MACROD2: variants seen among roughly 807,000 people sequenced by gnomAD.
MACROD2 encodes ADP-ribose glycohydrolase MACROD2.
MACROD2 carries 36 observed loss-of-function variants against 70.4 expected under a neutral mutation model. The ratio of observed to expected loss-of-function variants is 0.51; its 90% CI spans 0.39 to 0.68. The LOEUF is 0.68. Among genes scored for constraint, MACROD2 ranks in the 30% least tolerant of loss-of-function variants. The pLI, the probability that MACROD2 is intolerant of heterozygous loss-of-function variation, is 0.00. For missense variants in MACROD2, 496 were observed against 538.4 expected, an observed-to-expected ratio of 0.92 and a Z score of 0.78; for synonymous variants, 172 against 178.8, an observed-to-expected ratio of 0.96 and a Z score of 0.30.
intron 8 of MACROD2, among the ~76,000 whole-genome samples, chr20:15,683,618 G>A (rs1288180762): frequency 1.3e-5 from 2 of 151,942 alleles, no homozygotes; most frequent in African/African-American, 4.8e-5. Flanking sequence ...TCACTCTGTC[G>A]CTGAGGCTGG....
chr20:15,027,303 A>G (rs2075239510), intron 5 of MACROD2, among the ~76,000 whole-genome samples: 1 of 152,132 alleles, frequency 6.6e-6, no homozygotes, highest in African/African-American at 2.4e-5. Context: ...TTTCAGTGCT[A>G]ATTTCCATAG....
intron 5 of MACROD2, among the ~76,000 whole-genome samples, chr20:14,707,713 A>C (rs888355834): frequency 1.2e-4 from 19 of 152,166 alleles, no homozygotes; most frequent in Non-Finnish European, 2.6e-4. Flanking sequence ...TATAAATGTG[A>C]TAGGGAAGGC....
chr20:14,302,404 G>A (rs903469110), intron 3 of MACROD2, among the ~76,000 whole-genome samples: 10 of 152,136 alleles, frequency 6.6e-5, no homozygotes, highest in Non-Finnish European at 1.5e-4. Context: ...CATTCAAAGG[G>A]AGGATGTTAT....
chr20:14,411,122 G>T (rs1299811187), intron 3 of MACROD2, among the ~76,000 whole-genome samples: 1 of 152,066 alleles, frequency 6.6e-6, no homozygotes, highest in Non-Finnish European at 1.5e-5. Flanking sequence ...TCTTCCCTGG[G>T]GGAATTGCCA....
chr20:14,524,206 T>C (rs1296489276), intron 4 of MACROD2, among the ~76,000 whole-genome samples: 1 of 152,224 alleles, frequency 6.6e-6, no homozygotes, highest in Admixed American at 6.5e-5. Flanking sequence ...AAATCTTGCA[T>C]TGGAAAATCT....
At chr20:14,579,124 A>G (rs1409903191) in intron 4 of MACROD2, among the ~76,000 whole-genome samples, 1 of 123,616 alleles carries the variant, frequency 8.1e-6, no homozygotes, top group African/African-American at 3.0e-5. Flanking sequence ...ACTGTATCCA[A>G]TTCTTTTTTT....
At chr20:15,416,267 T>C (rs2046147105) in intron 6 of MACROD2, among the ~76,000 whole-genome samples, 2 of 152,126 alleles carry the variant, frequency 1.3e-5, no homozygotes, top group South Asian at 4.1e-4. Flanking sequence ...CTACAATCAA[T>C]TTCTTTCTCC....
At chr20:15,939,749 C>A (rs1445226835) in intron 12 of MACROD2, among the ~76,000 whole-genome samples, 1 of 151,534 alleles carries the variant, frequency 6.6e-6, no homozygotes, top group Admixed American at 6.6e-5. Context: ...TGAAGCTGGG[C>A]AAAATAAACT....
chr20:15,756,887 C>A (rs1280925826), intron 8 of MACROD2, among the ~76,000 whole-genome samples: 2 of 152,158 alleles, frequency 1.3e-5, no homozygotes, highest in Admixed American at 1.3e-4. Flanking sequence ...CATCTCAGAT[C>A]GTTGTTACCA....
intron 3 of MACROD2, among the ~76,000 whole-genome samples, chr20:14,422,625 T>C (rs1205072769): frequency 6.6e-6 from 1 of 152,180 alleles, no homozygotes; most frequent in Admixed American, 6.5e-5. Flanking sequence ...TCTAAATTTA[T>C]GGCAATGTAA....
intron 7 of MACROD2, among the ~76,000 whole-genome samples, chr20:15,488,755 A>G (rs938437864): frequency 2.6e-5 from 4 of 152,204 alleles, no homozygotes; most frequent in Non-Finnish European, 5.9e-5. Flanking sequence ...GATGTCCTCA[A>G]TGAACTCCTT....
intron 7 of MACROD2, among the ~76,000 whole-genome samples, chr20:15,452,477 G>T (rs181210311): frequency 6.6e-6 from 1 of 152,120 alleles, no homozygotes; most frequent in Non-Finnish European, 1.5e-5. Flanking sequence ...TTTTTTAAAA[G>T]ACAAATGCTT....
At chr20:14,112,453 G>A (rs1447451855) in intron 3 of MACROD2, among the ~76,000 whole-genome samples, 1 of 151,800 alleles carries the variant, frequency 6.6e-6, no homozygotes, top group African/African-American at 2.4e-5. Context: ...TTGCATTCCT[G>A]CATTAACATA....
At chr20:15,243,121 A>G (rs1318017421) in intron 6 of MACROD2, among the ~76,000 whole-genome samples, 1 of 152,186 alleles carries the variant, frequency 6.6e-6, no homozygotes, top group Non-Finnish European at 1.5e-5. Context: ...TGGAATAAGT[A>G]GCTCCTCTCA....
chr20:14,613,428 A>G (rs1983291239), intron 4 of MACROD2, among the ~76,000 whole-genome samples: 1 of 152,090 alleles, frequency 6.6e-6, no homozygotes, highest in South Asian at 2.1e-4. Flanking sequence ...GAGCAACAGA[A>G]GGTAACAGGA....
intron 3 of MACROD2, among the ~76,000 whole-genome samples, chr20:14,343,001 C>T (rs2083030373): frequency 6.6e-6 from 1 of 152,018 alleles, no homozygotes; most frequent in South Asian, 2.1e-4. Context: ...CCTCCTTGGC[C>T]TCCCAGGAAA....
chr20:14,422,346 A>C (rs1376708574), intron 3 of MACROD2, among the ~76,000 whole-genome samples: 1 of 152,166 alleles, frequency 6.6e-6, no homozygotes, highest in Non-Finnish European at 1.5e-5. Flanking sequence ...TAGTTGGATC[A>C]TGTTTCATTT....
At chr20:15,116,862 C>A (rs2075995296) in intron 5 of MACROD2, among the ~76,000 whole-genome samples, 1 of 152,256 alleles carries the variant, frequency 6.6e-6, no homozygotes, top group Middle Eastern at 3.4e-3. Flanking sequence ...GGATTGCTGA[C>A]TGTACAGGGT....
chr20:14,515,469 A>ACACACGCGCGCGCG (rs1555798355), intron 4 of MACROD2, among the ~76,000 whole-genome samples: 11 of 143,656 alleles, frequency 7.7e-5, no homozygotes, highest in African/African-American at 2.7e-4. Flanking sequence ...ACACACGCAC[A>ACACACGCGCGCGCG]CACACACACA....
Sources: gnomAD v4.1 joint callset for allele counts (sites outside exome capture counted in the v4.1 genomes callset) on GRCh38, gnomAD v4.1.1 for gene constraint, MANE v1.5 for transcripts, NCBI Gene and HGNC (gene_info 2026-07-23, HGNC 2026-07-21) for gene names.